RBSN: variants seen among roughly 807,000 people sequenced by gnomAD.
RBSN encodes rabenosyn, RAB effector.
Under a neutral mutation model 60.5 loss-of-function variants are expected in RBSN, and 34 were observed. The ratio of observed to expected loss-of-function variants is 0.56; its 90% confidence interval spans 0.43 to 0.75. The LOEUF (loss-of-function observed/expected upper bound fraction) is 0.75, where lower values mean the gene tolerates loss of function less well. Among genes scored for constraint, RBSN ranks in the 30% least tolerant of loss-of-function variants. The probability of loss-of-function intolerance (pLI) is 0.00; values close to 1 mark genes in which losing one functional copy is unlikely to be tolerated. For synonymous variants in RBSN, 322 were observed against 366.9 expected, an observed-to-expected ratio of 0.88 and a Z score of 1.40; for missense variants, 845 against 986.8, an observed-to-expected ratio of 0.86 and a Z score of 1.92.
At chr3:15,098,547 C>T (rs1423170702) in intron 1 of RBSN, among the ~76,000 whole-genome samples, 1 of 150,496 alleles carries the variant, frequency 6.6e-6, no homozygotes, top group East Asian at 1.9e-4. Flanking sequence ...GCCGCATCGA[C>T]GACACATCCC....
At chr3:15,085,223 T>C (rs564197766) in intron 6 of RBSN, among the ~76,000 whole-genome samples, 178 bp from the exon 7 acceptor site, 19 of 152,262 alleles carry the variant, frequency 1.2e-4, no homozygotes, top group Middle Eastern at 3.4e-3. Flanking sequence ...TAGTTTTGCA[T>C]CTAGAACCCA....
At chr3:15,076,954 A>C in intron 12 of RBSN, 108 bp downstream of exon 12, 1 of 848,346 alleles carries the variant, frequency 1.2e-6, no homozygotes, top group Non-Finnish European at 1.9e-6. Flanking sequence ...AAAATAATAA[A>C]TGTATAAATA....
At position 15,084,735 on chromosome 3, in the gene RBSN, T is replaced by C. The variant is rs145769065; in HGVS notation, c.598A>G (p.Asn200Asp). 3 of 1,585,190 alleles carry C rather than the reference T, an allele frequency of 1.9e-6. No homozygotes were observed. In the African/African-American group the frequency reaches 4.1e-5, roughly 21 times the overall value. ...CMELISLPLA[N>D]KLTSASKESL... ...AGGGCCCCACCTCCAAGTCACCTAC[T>C]TGCCAAGGGAAGGCTGATGAGCTCC... The change falls in exon 8 of 14, where the codon AAC (asparagine) becomes GAC (aspartate). Residue 200 changes from asparagine (N) to aspartate (D), a missense_variant and splice_region_variant. Coordinates refer to ENST00000253699, the MANE Select transcript of RBSN (RefSeq NM_022340.4). This position sits in a 1 kb window ranked among gnomAD's most constrained non-coding sequence, Gnocchi z 4.2.
At chr3:15,098,386 C>T (rs1301488374) in intron 1 of RBSN, 112 bp from the exon 2 acceptor site, 2 of 146,760 alleles carry the variant, frequency 1.4e-5, no homozygotes, top group African/African-American at 5.1e-5. Context: ...AACACAACCA[C>T]CGAATTGGAC....
intron 13 of RBSN, 178 bp from the exon 14 acceptor site, chr3:15,075,108 A>G: frequency 1.4e-6 from 1 of 726,960 alleles, no homozygotes; most frequent in Non-Finnish European, 2.2e-6. Flanking sequence ...TGTGGGCGGA[A>G]GGGAGACCCT....
At chr3:15,075,304 A>G (rs2043026200) in intron 13 of RBSN, 1 of 622,332 alleles carries the variant, frequency 1.6e-6, no homozygotes, top group Non-Finnish European at 3.0e-6. Context: ...ATGTTCTACA[A>G]GGAACTTCCT....
chr3:15,083,532 A>G (rs974250786), intron 8 of RBSN, among the ~76,000 whole-genome samples: 1 of 151,932 alleles, frequency 6.6e-6, no homozygotes, highest in Non-Finnish European at 1.5e-5. Context: ...ACCCCCAACT[A>G]TTCTATTTGC....
chr3:15,089,723 G>A (rs1225838619), intron 5 of RBSN, among the ~76,000 whole-genome samples: 2 of 151,416 alleles, frequency 1.3e-5, no homozygotes, highest in Non-Finnish European at 2.9e-5. Flanking sequence ...CCATTCTCCT[G>A]CCTCAGCCTC....
chr3:15,089,713 C>T lies in RBSN; in HGVS notation c.289+686G>A, dbSNP rs2043455690. On this transcript the variant is annotated intron_variant, in intron 5 of 13. Transcript: ENST00000253699. ...GCAAGCTCTGCTTCCTGGGTTCACG[C>T]CATTCTCCTGCCTCAGCCTCCTGAG... 2.0e-5 allele frequency among the ~76,000 whole-genome samples: 3 copies of T among 151,830 alleles called. No individual in the cohort carries two copies. In the South Asian group the frequency reaches 6.3e-4, roughly 32 times the overall value.
At position 15,074,399 on chromosome 3, in the gene RBSN, C is replaced by G; in HGVS notation, c.1738G>C (p.Val580Leu). 1.2e-6 allele frequency: 2 copies of G among 1,614,186 alleles called. No homozygotes were observed. Among genetic ancestry groups the G allele is most frequent in the South Asian group, 1.1e-5 (1 of 91,086 alleles). ...AYALDLGSSP[V>L]PSSTAPKTPS... Reference sequence around the variant, plus strand: ...GTCTTGGGAGCTGTGCTGCTTGGAACTGGGGAAGAGCCTAGATCCAAAGCA... The same window carrying G: ...GTCTTGGGAGCTGTGCTGCTTGGAAGTGGGGAAGAGCCTAGATCCAAAGCA... Residue 580 changes from valine to leucine, a missense_variant, in exon 14 of 14, where the codon GTT (valine) becomes CTT (leucine). Physicochemically the swap from Val to Leu is conservative, Grantham distance 32. Transcript: ENST00000253699. This position sits in a 1 kb window ranked among gnomAD's most constrained non-coding sequence, Gnocchi z 6.4.
chr3:15,095,172 G>A (rs1226937529), intron 4 of RBSN, among the ~76,000 whole-genome samples: 1 of 151,640 alleles, frequency 6.6e-6, no homozygotes, highest in Admixed American at 6.6e-5. Context: ...GCACCATCAC[G>A]CCCGGCTAGT....
At position 15,093,465 on chromosome 3, in the gene RBSN, T is replaced by C. The variant is rs539196816; in HGVS notation, c.148+2508A>G. Among the ~76,000 whole-genome samples, 34 of 152,340 alleles carry C rather than the reference T, an allele frequency of 2.2e-4. 1 individual carries two copies. Among genetic ancestry groups the C allele is most frequent in the Non-Finnish European group, 4.6e-4 (31 of 68,024 alleles). ...TTTCACTCTGTTGCTCAGGCTAGAATGTAACAGCCTTGATCTCCTGAGCTG... is the reference window on the plus strand; with the variant it reads ...TTTCACTCTGTTGCTCAGGCTAGAACGTAACAGCCTTGATCTCCTGAGCTG... On this transcript the variant is annotated intron_variant, in intron 4 of 13. Coordinates refer to ENST00000253699, the MANE Select transcript of RBSN (RefSeq NM_022340.4).
At chr3:15,086,070 T>A in intron 5 of RBSN, 109 bp from the exon 6 acceptor site, 5 of 405,038 alleles carry the variant, frequency 1.2e-5, no homozygotes, top group Non-Finnish European at 1.7e-5. Flanking sequence ...TTGGTCAACA[T>A]AGCGAGACCC....
rs566128456 is a variant in RBSN, at chr3:15,078,491, G to T, written c.912-330C>A. ...CACTATATCTAACAAGATGTAAGAA[G>T]TGGTTACACTACATTAAGAGCAGAA... On this transcript the variant is annotated intron_variant, in intron 10 of 13. Transcript: ENST00000253699. 3.3e-5 allele frequency among the ~76,000 whole-genome samples: 5 copies of T among 152,178 alleles called. No individual in the cohort carries two copies. The South Asian group carries it at 8.3e-4, about 25-fold the overall frequency.
chr3:15,092,478 C>G (rs2043542320), intron 4 of RBSN, among the ~76,000 whole-genome samples: 1 of 152,132 alleles, frequency 6.6e-6, no homozygotes, highest in Non-Finnish European at 1.5e-5. Context: ...GCAATCTCAG[C>G]TCACTGCAAC....
At position 15,077,204 on chromosome 3, in the gene RBSN, A is replaced by G. The variant is rs752440317; in HGVS notation, c.999-40T>C. 3 of 1,543,044 alleles carry G rather than the reference A, an allele frequency of 1.9e-6. No individual in the cohort carries two copies. The highest frequency in any genetic ancestry group is 2.7e-6 in the Non-Finnish European group (3 of 1,115,620). On this transcript the variant is annotated intron_variant, in intron 11 of 13. Transcript: ENST00000253699. The surrounding 1 kb of genome is among the most constrained non-coding windows in gnomAD (Gnocchi z 4.4). ...ACACATGAATATAATGAGCACTGCC[A>G]GCTTCAGAAACAAGGGTGAAAAGTA...
At chr3:15,098,405 CA>C (rs1479658058) in intron 1 of RBSN, 131 bp from the exon 2 acceptor site, 1 of 146,554 alleles carries the variant, frequency 6.8e-6, no homozygotes, top group Non-Finnish European at 1.5e-5. Context: ...ACCCCACAAC[CA>C]TAACTGAACA....
chr3:15,096,242 G>A lies in RBSN; in HGVS notation c.-122C>T. On this transcript the variant is annotated 5_prime_UTR_variant, in exon 4 of 14. Transcript: ENST00000253699. The stretch of plus-strand genomic sequence containing the variant: ...AGCAGCACACAGATGGTGAGGAAGT[G>A]GCTTCATGGCCCTGGATGAGGTTTC... 9.4e-7 allele frequency: 1 copy of A among 1,063,444 alleles called. No homozygotes were observed. The highest frequency in any genetic ancestry group is 1.3e-6 in the Non-Finnish European group (1 of 788,696). 65.9% of individuals were successfully genotyped at this position (1,063,444 alleles called of 1,614,324 possible). A position where few individuals can be genotyped will look rare whatever the true frequency, so the allele number is the denominator to read the frequency against.
chr3:15,074,474 C>T lies in RBSN; in HGVS notation c.1663G>A (p.Gly555Ser), dbSNP rs753728983. 5.0e-6 allele frequency: 8 copies of T among 1,614,064 alleles called. No individual in the cohort carries two copies. Among genetic ancestry groups the T allele is most frequent in the East Asian group, 4.5e-5 (2 of 44,894 alleles). ...RTRSLDFREI[G>S]PFQLEPSREP... ...CTGCTGGGCTCCAGCTGAAAAGGGCCGATTTCTCTGAAGTCCAGGGACCGA... is the reference window on the plus strand; with the variant it reads ...CTGCTGGGCTCCAGCTGAAAAGGGCTGATTTCTCTGAAGTCCAGGGACCGA... The change falls in exon 14 of 14, where the codon GGC becomes AGC. Residue 555 changes from glycine (G) to serine (S), a missense_variant. By Grantham distance (56) the Gly-to-Ser change is moderately conservative. Transcript: ENST00000253699. The surrounding 1 kb of genome is among the most constrained non-coding windows in gnomAD (Gnocchi z 6.4).
Sources: allele counts gnomAD v4.1 joint callset (sites outside exome capture counted in the v4.1 genomes callset), GRCh38; gene constraint gnomAD v4.1.1; non-coding constraint Gnocchi (gnomAD v3.1); transcripts MANE v1.5; gene names NCBI Gene and HGNC (gene_info 2026-07-23, HGNC 2026-07-21).